Variants in ACACB observed in about 807,000 individuals in gnomAD.
The protein encoded by ACACB is acetyl-CoA carboxylase 2.
Under a neutral mutation model 278.8 loss-of-function variants are expected in ACACB, and 209 were observed. The observed-to-expected ratio is 0.75, with a 90% CI of 0.67 to 0.84. The LOEUF is 0.84. ACACB is among the 40% of genes least tolerant of loss of function. The probability of loss-of-function intolerance (pLI) is 0.00; values close to 1 mark genes in which losing one functional copy is unlikely to be tolerated. For missense variants in ACACB, 2,850 were observed against 3,269.0 expected (o/e 0.87, Z 3.13); for synonymous variants, 1,174 against 1,285.6 (o/e 0.91, Z 1.86).
chr12:109,229,469 G>A (rs535297620), intron 28 of ACACB, among the ~76,000 whole-genome samples: 1 of 152,256 alleles, frequency 6.6e-6, no homozygotes. Flanking sequence ...TGTGTCCACT[G>A]TAGTCTGCTG....
Position 109,235,301 on chromosome 12 carries a change from T to G in ACACB, c.4348-12T>G, listed in dbSNP as rs2046603310. 6.2e-7 allele frequency: 1 copy of G among 1,613,272 alleles called. No homozygotes were observed. Among genetic ancestry groups the G allele is most frequent in the Admixed American group, 1.7e-5 (1 of 60,000 alleles). ...AAATAATATTCCATTGTGTCTTTGG[T>G]TTTTAATGCAGAAAAATATCCTTGT... On this transcript the variant is annotated splice_polypyrimidine_tract_variant and intron_variant, in intron 31 of 52. Coordinates refer to ENST00000338432, the MANE Select transcript of ACACB (RefSeq NM_001093.4).
intron 13 of ACACB, among the ~76,000 whole-genome samples, chr12:109,188,501 C>T (rs551198513): frequency 6.7e-6 from 1 of 149,684 alleles, no homozygotes; most frequent in South Asian, 2.1e-4. Flanking sequence ...CTTTCCTCCC[C>T]CTCCCTTTCT....
At chr12:109,206,158 G>A (rs959873705) in intron 19 of ACACB, among the ~76,000 whole-genome samples, 4 of 152,012 alleles carry the variant, frequency 2.6e-5, no homozygotes, top group African/African-American at 4.8e-5. Context: ...CAGATCGGCC[G>A]GGCGCAGTGG....
At chr12:109,111,712 C>T (rs2042296654), upstream of ACACB, among the ~76,000 whole-genome samples, 1 of 151,990 alleles carries the variant, frequency 6.6e-6, no homozygotes, top group South Asian at 2.1e-4. Context: ...TGCACTACCA[C>T]GCCCGGCTAA....
At chr12:109,182,348 T>G (rs1225012286) in intron 11 of ACACB, among the ~76,000 whole-genome samples, 1 of 152,118 alleles carries the variant, frequency 6.6e-6, no homozygotes, top group East Asian at 1.9e-4. Context: ...CATGAGACTT[T>G]TTTCCTACTC....
chr12:109,202,669 C>T (rs893384723), intron 19 of ACACB, among the ~76,000 whole-genome samples: 2 of 152,026 alleles, frequency 1.3e-5, no homozygotes, highest in Admixed American at 6.6e-5. Context: ...TATTATTGCA[C>T]GAGCATGGTC....
chr12:109,260,347 C>A, intron 47 of ACACB, 133 bp from the exon 48 acceptor site: 1 of 1,248,932 alleles, frequency 8.0e-7, no homozygotes, highest in Non-Finnish European at 1.1e-6. Flanking sequence ...TCAGTACTCT[C>A]AAATCCCAGC....
Position 109,241,081 on chromosome 12 carries a change from G to T in ACACB, c.4822G>T (p.Glu1608Ter). The T allele has an allele frequency of 6.2e-7, 1 of 1,613,688 alleles. No homozygotes were observed. Among genetic ancestry groups the T allele is most frequent in the Non-Finnish European group, 8.5e-7 (1 of 1,179,690 alleles). Residue 1608 changes from glutamate to a stop codon, truncating the protein, a stop_gained, in exon 36 of 53, where the codon GAG becomes TAG. Transcript: ENST00000338432. LOFTEE classifies it high-confidence loss of function. ...GAATTGCTGTGTTTTGGGGCAGATC[G>T]AGGAGTCCGTGCGCTACATGGTTAT... ...PTVIMDPFKI[E>*]ESVRYMVMRY...
Position 109,254,326 on chromosome 12 carries a change from C to T in ACACB, c.6158C>T (p.Pro2053Leu). Residue 2053 changes from proline to leucine, a missense_variant, in exon 44 of 53, where the codon CCT becomes CTT. Coordinates refer to ENST00000338432, the MANE Select transcript of ACACB (RefSeq NM_001093.4). ...CCCCGGTGGATGCTTGCAGGAAGGC[C>T]TCACCCAAGTAAGTTCTAAAGTATT... is the stretch of plus-strand genomic sequence containing the variant. ...YDPRWMLAGR[P>L]HPTLKGTWQS... 1.2e-6 allele frequency: 2 copies of T among 1,609,346 alleles called. No homozygotes were observed. The highest frequency in any genetic ancestry group is 1.7e-6 in the Non-Finnish European group (2 of 1,179,450).
At chr12:109,144,754 C>CTTTTTTTTT (rs71079528) in intron 2 of ACACB, among the ~76,000 whole-genome samples, 2 of 102,804 alleles carry the variant, frequency 1.9e-5, no homozygotes, top group Non-Finnish European at 3.5e-5. Flanking sequence ...TTCTTTCTTT[C>CTTTTTTTTT]TTTTTTTTTT....
chr12:109,255,676 C>T (rs2047207515), intron 44 of ACACB, among the ~76,000 whole-genome samples: 1 of 152,220 alleles, frequency 6.6e-6, no homozygotes, highest in Non-Finnish European at 1.5e-5. Context: ...TCATCATATT[C>T]TCTCTCTGTC....
chr12:109,201,821 A>ACCTAT, intron 19 of ACACB, 120 bp downstream of exon 19: 2 of 1,370,460 alleles, frequency 1.5e-6, no homozygotes, highest in South Asian at 1.5e-5. Context: ...ACCTGCAGAC[A>ACCTAT]GAGCTCGTCG....
intron 1 of ACACB, among the ~76,000 whole-genome samples, chr12:109,128,258 C>T (rs2042730575): frequency 1.3e-5 from 2 of 152,336 alleles, no homozygotes; most frequent in South Asian, 2.1e-4. Context: ...AAGTGATTCT[C>T]CTGCCTCAGC....
Position 109,232,896 on chromosome 12 carries a change from G to A in ACACB, c.4139+90G>A, listed in dbSNP as rs921602631. 3.7e-5 allele frequency: 56 copies of A among 1,510,138 alleles called. No individual in the cohort carries two copies. The African/African-American group carries it at 7.0e-4, about 19-fold the overall frequency. 93.5% of individuals were successfully genotyped at this position (1,510,138 alleles called of 1,614,324 possible). On this transcript the variant is annotated intron_variant, in intron 29 of 52. Coordinates refer to ENST00000338432, the MANE Select transcript of ACACB (RefSeq NM_001093.4). ...CCCCCCCAATTCACTGGACAGATGG[G>A]GTGGGAGAGACCCAGACACGTGGCA...
intron 40 of ACACB, among the ~76,000 whole-genome samples, chr12:109,247,990 T>C (rs1009177610): frequency 1.3e-5 from 2 of 152,254 alleles, no homozygotes; most frequent in Non-Finnish European, 2.9e-5. Context: ...GCTCACATTT[T>C]GTGACCAAAC....
intron 12 of ACACB, among the ~76,000 whole-genome samples, chr12:109,187,664 T>C (rs1347626219): frequency 1.3e-5 from 2 of 151,998 alleles, no homozygotes; most frequent in Non-Finnish European, 2.9e-5. Context: ...CTCCTGATGT[T>C]ACTCTGGCTG....
intron 35 of ACACB, among the ~76,000 whole-genome samples, chr12:109,240,332 TC>T (rs1188086542): frequency 6.6e-6 from 1 of 152,056 alleles, no homozygotes; most frequent in Non-Finnish European, 1.5e-5. Context: ...ATGTTCCCTG[TC>T]AGGTGGCTCT....
intron 47 of ACACB, chr12:109,260,186 A>C (rs776458529): frequency 7.0e-7 from 1 of 1,428,594 alleles, no homozygotes; most frequent in African/African-American, 1.4e-5. Context: ...ATGGTGGGGC[A>C]GGGCAGGGAC....
intron 3 of ACACB, 176 bp downstream of exon 3, chr12:109,167,169 G>A (rs2043937411): frequency 2.7e-6 from 2 of 748,700 alleles, no homozygotes; most frequent in Non-Finnish European, 4.2e-6. Flanking sequence ...TAATAGTGAA[G>A]CCTCTTTCAA....
Sources: gnomAD v4.1 joint callset for allele counts (sites outside exome capture counted in the v4.1 genomes callset) on GRCh38, gnomAD v4.1.1 for gene constraint, MANE v1.5 for transcripts, NCBI Gene and HGNC (gene_info 2026-07-23, HGNC 2026-07-21) for gene names.